DPP6: variants seen among roughly 807,000 people sequenced by gnomAD.
The protein encoded by DPP6 is dipeptidyl peptidase like 6.
DPP6 carries 69 observed loss-of-function variants against 122.6 expected under a neutral mutation model. The ratio of observed to expected loss-of-function variants is 0.56; its 90% confidence interval spans 0.46 to 0.69. The LOEUF is 0.69. DPP6 is among the 30% of genes least tolerant of loss of function. The pLI is 0.00. For missense variants in DPP6, 928 were observed against 1,116.9 expected (o/e 0.83, Z 2.41); for synonymous variants, 418 against 433.1 (o/e 0.97, Z 0.43).
At chr7:153,888,176 GACCTGTTGGGTCTGC>G (rs1799023559) in intron 1 of DPP6, among the ~76,000 whole-genome samples, 1 of 152,180 alleles carries the variant, frequency 6.6e-6, no homozygotes, top group South Asian at 2.1e-4. Context: ...CGGAACTCGA[GACCTGTTGGGTCTGC>G]GGAGCCTTCG....
At chr7:154,587,538 A>G in intron 5 of DPP6, 1 of 1,183,270 alleles carries the variant, frequency 8.5e-7, no homozygotes, top group Non-Finnish European at 1.2e-6. Flanking sequence ...AACATTGCCC[A>G]TTGATTTTTG....
At chr7:153,831,746 G>A in the DPP6 span, among the ~76,000 whole-genome samples, 1 of 152,156 alleles carries the variant, frequency 6.6e-6, no homozygotes, top group South Asian at 2.1e-4. Flanking sequence ...GTCACAGGCT[G>A]TATAACGCAG....
chr7:154,719,123 C>T (rs1036422221), intron 7 of DPP6, among the ~76,000 whole-genome samples: 2 of 150,194 alleles, frequency 1.3e-5, no homozygotes, highest in African/African-American at 5.1e-5. Flanking sequence ...CTTCTCCCAT[C>T]GCTTATGACT....
chr7:154,480,885 C>T (rs1823211334), intron 3 of DPP6, among the ~76,000 whole-genome samples: 2 of 152,154 alleles, frequency 1.3e-5, no homozygotes, highest in South Asian at 2.1e-4. Context: ...AAGCTAAGGA[C>T]CTTCAAGTCA....
At chr7:154,651,518 T>C (rs1055406971) in intron 6 of DPP6, among the ~76,000 whole-genome samples, 1 of 152,140 alleles carries the variant, frequency 6.6e-6, no homozygotes, top group Admixed American at 6.5e-5. Context: ...CTGTTAATGA[T>C]ACGAGCACCA....
the DPP6 span, among the ~76,000 whole-genome samples, chr7:153,879,885 T>C: frequency 6.6e-6 from 1 of 152,234 alleles, no homozygotes; most frequent in South Asian, 2.1e-4. Flanking sequence ...GGAAGAGTTT[T>C]ATACATATTT....
chr7:154,162,959 T>A (rs1437865711), intron 1 of DPP6, among the ~76,000 whole-genome samples: 1 of 150,966 alleles, frequency 6.6e-6, no homozygotes, highest in African/African-American at 2.4e-5. Flanking sequence ...TGAGTGGAAC[T>A]TAACACCAGA....
intron 1 of DPP6, among the ~76,000 whole-genome samples, chr7:154,268,044 T>C (rs1183294511): frequency 6.6e-6 from 1 of 152,122 alleles, no homozygotes; most frequent in Non-Finnish European, 1.5e-5. Context: ...GGGTCCTCAA[T>C]AGCTTCTAAA....
the DPP6 span, among the ~76,000 whole-genome samples, chr7:153,815,336 G>A: frequency 6.6e-6 from 1 of 152,090 alleles, no homozygotes; most frequent in South Asian, 2.1e-4. Context: ...TATAAACGCT[G>A]GAATCCTGCA....
intron 8 of DPP6, among the ~76,000 whole-genome samples, chr7:154,762,930 C>G (rs1225763409): frequency 6.6e-6 from 1 of 152,218 alleles, no homozygotes; most frequent in African/African-American, 2.4e-5. Context: ...AAGAAAATCA[C>G]CAAAGTGTGG....
At chr7:154,869,945 T>C (rs1804248572) in intron 18 of DPP6, among the ~76,000 whole-genome samples, 1 of 142,860 alleles carries the variant, frequency 7.0e-6, no homozygotes, top group Admixed American at 7.7e-5. Flanking sequence ...ATGAACGAAA[T>C]GAGTAGGGAA....
At chr7:153,953,528 A>G (rs1802317460) in intron 1 of DPP6, among the ~76,000 whole-genome samples, 1 of 152,176 alleles carries the variant, frequency 6.6e-6, no homozygotes, top group Non-Finnish European at 1.5e-5. Flanking sequence ...CGTAGGGGAT[A>G]AAGAGGGACC....
chr7:154,384,829 G>A (rs560797893), intron 1 of DPP6, among the ~76,000 whole-genome samples: 68 of 151,118 alleles, frequency 4.5e-4, no homozygotes, highest in African/African-American at 1.6e-3. Context: ...TTCATCAGTA[G>A]TGGAATGATT....
chr7:154,773,012 C>T (rs1563194057), intron 10 of DPP6, 70 bp downstream of exon 10: 1 of 1,427,426 alleles, frequency 7.0e-7, no homozygotes, highest in African/African-American at 1.4e-5. Flanking sequence ...TGCATGGTCT[C>T]TTCTGGATCA....
intron 1 of DPP6, among the ~76,000 whole-genome samples, chr7:154,223,998 C>T (rs541981213): frequency 3.4e-5 from 5 of 146,872 alleles, no homozygotes; most frequent in East Asian, 2.0e-4. Context: ...GACAGGGACA[C>T]ACAGCCTGAC....
At chr7:153,871,136 C>T in the DPP6 span, among the ~76,000 whole-genome samples, 1 of 152,202 alleles carries the variant, frequency 6.6e-6, no homozygotes, top group Non-Finnish European at 1.5e-5. Context: ...ATTCTCAGAT[C>T]CCAAGCTGCG....
chr7:154,752,208 T>A (rs560490148), intron 8 of DPP6, among the ~76,000 whole-genome samples: 1 of 152,306 alleles, frequency 6.6e-6, no homozygotes, highest in African/African-American at 2.4e-5. Context: ...AAGAAAAGGA[T>A]CCTTAACATT....
intron 16 of DPP6, among the ~76,000 whole-genome samples, chr7:154,832,864 A>G (rs1337511921): frequency 2.6e-5 from 4 of 152,222 alleles, no homozygotes; most frequent in East Asian, 1.9e-4. Context: ...TGCCTCCAAC[A>G]TGTAAACCAC....
the DPP6 span, among the ~76,000 whole-genome samples, chr7:153,795,996 C>A: frequency 6.7e-6 from 1 of 149,640 alleles, no homozygotes; most frequent in Non-Finnish European, 1.5e-5. Flanking sequence ...ATGACTTTAA[C>A]CCTTTTAAAT....
Sources: allele counts gnomAD v4.1 joint callset (sites outside exome capture counted in the v4.1 genomes callset), GRCh38; gene constraint gnomAD v4.1.1; transcripts MANE v1.5; gene names NCBI Gene and HGNC (gene_info 2026-07-23, HGNC 2026-07-21).